Variants in PRKN observed in about 807,000 individuals in gnomAD.
The protein encoded by PRKN is E3 ubiquitin-protein ligase parkin.
A neutral mutation model predicts 59.5 loss-of-function variants in PRKN; 56 were observed. That is an observed-to-expected ratio of 0.94 (90% CI 0.76 to 1.18). The LOEUF is 1.18. Among genes scored for constraint, PRKN ranks in the 50% most tolerant of loss-of-function variants. PRKN has a pLI of 0.00. For synonymous variants in PRKN, 250 were observed against 222.1 expected (o/e 1.13, Z -1.12); for missense variants, 657 against 596.4 (o/e 1.10, Z -1.06).
chr6:162,109,868 G>A (rs1780348020), intron 4 of PRKN, among the ~76,000 whole-genome samples: 1 of 152,104 alleles, frequency 6.6e-6, no homozygotes, highest in Non-Finnish European at 1.5e-5. Context: ...ACATTACTCA[G>A]GATCTGAAGC....
At chr6:161,613,931 C>T (rs1255133535) in intron 7 of PRKN, among the ~76,000 whole-genome samples, 1 of 152,204 alleles carries the variant, frequency 6.6e-6, no homozygotes, top group Non-Finnish European at 1.5e-5. Flanking sequence ...CAAAGTCCAG[C>T]ACTGCTCTGT....
chr6:161,531,263 C>G (rs1338095787), intron 9 of PRKN, among the ~76,000 whole-genome samples: 1 of 151,838 alleles, frequency 6.6e-6, no homozygotes, highest in Non-Finnish European at 1.5e-5. Flanking sequence ...CGCCTGTAGT[C>G]CCAGCTACTC....
rs76838688 is a variant in PRKN, at chr6:161,688,336, A to C, written c.871+97436T>G. ...GTGACTTTCTCCTTTCCCTGTGGATAGCATGCAACAGGACCAAAGGGAGTA... is the reference window on the plus strand; with the variant it reads ...GTGACTTTCTCCTTTCCCTGTGGATCGCATGCAACAGGACCAAAGGGAGTA... On this transcript the variant is annotated intron_variant, in intron 7 of 11. Coordinates refer to ENST00000366898, the MANE Select transcript of PRKN (RefSeq NM_004562.3). Among the ~76,000 whole-genome samples the C allele has an allele frequency of 5.0e-3, 767 of 152,328 alleles. 10 individuals carry two copies. Among genetic ancestry groups the C allele is most frequent in the African/African-American group, 0.018 (733 of 41,562 alleles).
At chr6:162,372,493 G>A (rs10945821) in intron 2 of PRKN, among the ~76,000 whole-genome samples, 39,076 of 152,008 alleles carry the variant, frequency 0.26, 5,203 homozygotes, top group African/African-American at 0.27. Flanking sequence ...AATAACTTCC[G>A]AGAGGGTTAA....
intron 5 of PRKN, among the ~76,000 whole-genome samples, chr6:162,019,673 G>T (rs2128274588): frequency 6.6e-6 from 1 of 152,274 alleles, no homozygotes; most frequent in South Asian, 2.1e-4. Context: ...TAGCACAACA[G>T]ACTACAACGA....
At chr6:162,590,921 C>T (rs1268687432) in intron 1 of PRKN, among the ~76,000 whole-genome samples, 1 of 152,006 alleles carries the variant, frequency 6.6e-6, no homozygotes, top group Non-Finnish European at 1.5e-5. Flanking sequence ...CTCCAGGCCT[C>T]GTATCAACTA....
intron 7 of PRKN, chr6:161,716,011 C>T (rs2128183785): frequency 1.2e-6 from 1 of 864,878 alleles, no homozygotes; most frequent in Middle Eastern, 2.6e-4. Context: ...ATTTAACAAG[C>T]TCTTCTGGGG....
chr6:161,903,913 G>C (rs1029168350), intron 6 of PRKN, among the ~76,000 whole-genome samples: 1 of 151,032 alleles, frequency 6.6e-6, no homozygotes, highest in Non-Finnish European at 1.5e-5. Context: ...CTGCAGTTTC[G>C]TCTGCAGGAT....
At chr6:162,201,416 T>C (rs988318496) in intron 3 of PRKN, among the ~76,000 whole-genome samples, 164 bp from the exon 4 acceptor site, 2 of 152,216 alleles carry the variant, frequency 1.3e-5, no homozygotes, top group Non-Finnish European at 2.9e-5. Context: ...CAATTTAATT[T>C]AGAAAATCTA....
At chr6:162,467,005 T>C (rs1191405558) in intron 1 of PRKN, among the ~76,000 whole-genome samples, 6 of 152,102 alleles carry the variant, frequency 3.9e-5, no homozygotes, top group African/African-American at 1.4e-4. Flanking sequence ...ACAAATCTGG[T>C]TAGGAAAAAT....
chr6:162,183,877 G>C (rs1954945), intron 4 of PRKN, among the ~76,000 whole-genome samples: 1 of 152,052 alleles, frequency 6.6e-6, no homozygotes, highest in African/African-American at 2.4e-5. Flanking sequence ...ACACTTACTA[G>C]TTCTAAAAAT....
At chr6:162,316,724 G>A (rs1782768024) in intron 2 of PRKN, among the ~76,000 whole-genome samples, 1 of 151,888 alleles carries the variant, frequency 6.6e-6, no homozygotes, top group African/African-American at 2.4e-5. Context: ...CAATTCTGGG[G>A]TATTTAAAGA....
At chr6:161,721,990 C>G (rs1004708403) in intron 7 of PRKN, among the ~76,000 whole-genome samples, 2 of 152,150 alleles carry the variant, frequency 1.3e-5, no homozygotes, top group Non-Finnish European at 2.9e-5. Flanking sequence ...TTTTTCCACT[C>G]AGACTCACAG....
chr6:162,659,051 C>T (rs1249164994), intron 1 of PRKN, among the ~76,000 whole-genome samples: 2 of 152,238 alleles, frequency 1.3e-5, no homozygotes, highest in Admixed American at 1.3e-4. Flanking sequence ...GGCTTTAGGG[C>T]TTTCAAAGTA....
intron 2 of PRKN, among the ~76,000 whole-genome samples, chr6:162,297,142 C>T (rs1452701164): frequency 3.3e-5 from 5 of 151,518 alleles, no homozygotes; most frequent in Non-Finnish European, 1.5e-5. Context: ...AACTGCTTAG[C>T]TCTGCTAATC....
intron 7 of PRKN, among the ~76,000 whole-genome samples, chr6:161,603,272 T>G (rs1028382075): frequency 2.6e-5 from 4 of 152,214 alleles, no homozygotes; most frequent in African/African-American, 9.6e-5. Flanking sequence ...CAGACTCATT[T>G]CCTATGATCG....
chr6:162,568,566 CAGGAGCAGGAGAAGGAGA>C, intron 1 of PRKN: 1 of 814,926 alleles, frequency 1.2e-6, no homozygotes, highest in Non-Finnish European at 2.1e-6. Context: ...CCAGGCCGTG[CAGGAGCAGGAGAAGGAGA>C]AGGAGCAGAT....
At chr6:161,715,998 T>C in intron 7 of PRKN, 1 of 734,710 alleles carries the variant, frequency 1.4e-6, no homozygotes, top group South Asian at 1.4e-5. Flanking sequence ...CCCTGTGATC[T>C]ATATTTAACA....
Position 161,356,888 on chromosome 6 carries a change from G to C in PRKN, c.1285+3200C>G, listed in dbSNP as rs997747546. Among the ~76,000 whole-genome samples the C allele has an allele frequency of 6.6e-6, 1 of 152,028 alleles. No homozygotes were observed. Among genetic ancestry groups the C allele is most frequent in the Non-Finnish European group, 1.5e-5 (1 of 68,018 alleles). Reference sequence around the variant, plus strand: ...TGGGGTGTAGATTTGGGAGCCATCAGTATGTGGATAGTATTTAAGGCCACA... The same window carrying C: ...TGGGGTGTAGATTTGGGAGCCATCACTATGTGGATAGTATTTAAGGCCACA... On this transcript the variant is annotated intron_variant, in intron 11 of 11. Transcript: ENST00000366898. The surrounding 1 kb of genome is among the most constrained non-coding windows in gnomAD (Gnocchi z 7.8).
Sources: gnomAD v4.1 joint callset for allele counts (sites outside exome capture counted in the v4.1 genomes callset) on GRCh38, gnomAD v4.1.1 for gene constraint, Gnocchi (gnomAD v3.1) non-coding constraint, MANE v1.5 for transcripts, NCBI Gene and HGNC (gene_info 2026-07-23, HGNC 2026-07-21) for gene names.